PRKCB: variants seen among roughly 807,000 people sequenced by gnomAD.
PRKCB encodes the protein protein kinase C beta type.
A neutral mutation model predicts 81.5 loss-of-function variants in PRKCB; 13 were observed. The ratio of observed to expected loss-of-function variants is 0.16; its 90% CI spans 0.10 to 0.25. The LOEUF is 0.25. Among genes scored for constraint, PRKCB ranks in the 10% least tolerant of loss-of-function variants. The pLI, the probability that PRKCB is intolerant of heterozygous loss-of-function variation, is 1.00. For missense variants in PRKCB, 509 were observed against 875.7 expected (o/e 0.58, Z 5.29); for synonymous variants, 335 against 321.4 (o/e 1.04, Z -0.45).
chr16:24,037,891 AAG>A (rs2141859519), intron 5 of PRKCB, among the ~76,000 whole-genome samples: 1 of 152,184 alleles, frequency 6.6e-6, no homozygotes, highest in Non-Finnish European at 1.5e-5. Context: ...CGAAAAGAAA[AAG>A]AAAAAAACAA....
chr16:24,050,382 C>T (rs1055450481), intron 5 of PRKCB, among the ~76,000 whole-genome samples: 10 of 152,122 alleles, frequency 6.6e-5, no homozygotes, highest in East Asian at 5.8e-4. Flanking sequence ...CCTGTGTTGC[C>T]GAGGAGCGAA....
chr16:24,075,880 G>T (rs1966170389), intron 5 of PRKCB, among the ~76,000 whole-genome samples: 1 of 152,176 alleles, frequency 6.6e-6, no homozygotes, highest in African/African-American at 2.4e-5. Flanking sequence ...TAAAATACAG[G>T]TTGCTGGGTT....
intron 5 of PRKCB, among the ~76,000 whole-genome samples, chr16:24,092,368 G>A (rs1453742960): frequency 6.6e-6 from 1 of 152,190 alleles, no homozygotes; most frequent in African/African-American, 2.4e-5. Context: ...TGCATCAACT[G>A]CTGAATGGAT....
intron 2 of PRKCB, among the ~76,000 whole-genome samples, chr16:23,923,320 C>T (rs1481921632): frequency 6.6e-6 from 1 of 152,038 alleles, no homozygotes; most frequent in Admixed American, 6.6e-5. Flanking sequence ...ATGGAAGAGA[C>T]TCCCCTCATC....
At chr16:24,178,406 C>G (rs548246622) in intron 12 of PRKCB, among the ~76,000 whole-genome samples, 1 of 152,218 alleles carries the variant, frequency 6.6e-6, no homozygotes, top group Non-Finnish European at 1.5e-5. Context: ...GAGGTGCCCT[C>G]CAGCCTCAGG....
In PRKCB at chr16:24,163,187, G is replaced by A. The variant is rs142281874; in HGVS notation, c.1239+8330G>A. ...AACTCACTAGGAACCTTTTAAAAGG[G>A]GTTGTATCTACAGGGAGGGAATAAT... On this transcript the variant is annotated intron_variant, in intron 10 of 16. Transcript: ENST00000643927. 5.7e-3 allele frequency among the ~76,000 whole-genome samples: 875 copies of A among 152,282 alleles called. 5 individuals carry two copies. Among genetic ancestry groups the A allele is most frequent in the African/African-American group, 0.02 (814 of 41,540 alleles).
intron 16 of PRKCB, among the ~76,000 whole-genome samples, chr16:24,213,851 G>A (rs1199804702): frequency 6.6e-6 from 1 of 152,166 alleles, no homozygotes; most frequent in Non-Finnish European, 1.5e-5. Context: ...CCTCAGATGG[G>A]GGCCTTTTTA....
chr16:24,136,489 G>A (rs1046451580), intron 9 of PRKCB, among the ~76,000 whole-genome samples: 5 of 152,160 alleles, frequency 3.3e-5, no homozygotes, highest in African/African-American at 4.8e-5. Context: ...CCATCTGGGG[G>A]GTTGTAGGGG....
At chr16:24,116,382 C>G (rs1003311172) in intron 8 of PRKCB, among the ~76,000 whole-genome samples, 1 of 151,834 alleles carries the variant, frequency 6.6e-6, no homozygotes, top group Non-Finnish European at 1.5e-5. Context: ...CATAGCGACC[C>G]TACCTCTATT....
chr16:24,032,371 C>T (rs530255086), intron 4 of PRKCB, 124 bp downstream of exon 4: 23 of 604,282 alleles, frequency 3.8e-5, no homozygotes, highest in African/African-American at 3.7e-4. Flanking sequence ...GGCTGGTGTA[C>T]CAGTTATCTG....
chr16:24,134,244 C>T (rs921252030), intron 9 of PRKCB, among the ~76,000 whole-genome samples: 3 of 152,116 alleles, frequency 2.0e-5, no homozygotes, highest in African/African-American at 7.2e-5. Context: ...TTTCTTCCTT[C>T]CTTCCCTTTC....
intron 3 of PRKCB, among the ~76,000 whole-genome samples, chr16:24,024,970 T>C (rs896989298): frequency 7.9e-5 from 12 of 152,256 alleles, no homozygotes; most frequent in African/African-American, 2.9e-4. Flanking sequence ...ACCTGGTTTG[T>C]CTGGTCTGAA....
chr16:23,882,241 G>T lies in PRKCB; in HGVS notation c.205+44835G>T, dbSNP rs116299543. On this transcript the variant is annotated intron_variant, in intron 2 of 16. Coordinates refer to ENST00000643927, the MANE Select transcript of PRKCB (RefSeq NM_002738.7). Reference sequence around the variant, plus strand: ...ACTTCAGGCACACACTACCATGCCCGGTTAATTTTTTTCTTGATTTTTAAT... The same window carrying T: ...ACTTCAGGCACACACTACCATGCCCTGTTAATTTTTTTCTTGATTTTTAAT... Among the ~76,000 whole-genome samples, 1,365 of 150,152 alleles carry T rather than the reference G, an allele frequency of 9.1e-3. 7 individuals carry two copies. Among genetic ancestry groups the T allele is most frequent in the Non-Finnish European group, 0.014 (971 of 67,562 alleles).
At chr16:23,891,199 G>A (rs763936885) in intron 2 of PRKCB, among the ~76,000 whole-genome samples, 3 of 151,980 alleles carry the variant, frequency 2.0e-5, no homozygotes, top group Non-Finnish European at 4.4e-5. Context: ...ACCATACCCA[G>A]CTAATTTTAA....
chr16:24,212,124 A>G (rs1968147641), intron 16 of PRKCB, among the ~76,000 whole-genome samples: 1 of 152,144 alleles, frequency 6.6e-6, no homozygotes, highest in African/African-American at 2.4e-5. Context: ...CCTCTGAAAG[A>G]TATTTTAGTT....
At chr16:24,104,970 TTTTCC>T (rs1966555858) in intron 7 of PRKCB, among the ~76,000 whole-genome samples, 1 of 152,332 alleles carries the variant, frequency 6.6e-6, no homozygotes, top group African/African-American at 2.4e-5. Flanking sequence ...GGTCGATCCC[TTTTCC>T]CTAGTAGGTC....
chr16:23,979,212 G>A (rs1964662727), intron 2 of PRKCB, among the ~76,000 whole-genome samples: 1 of 152,098 alleles, frequency 6.6e-6, no homozygotes. Flanking sequence ...AAAGACAATG[G>A]GCATATTCAA....
chr16:24,191,433 G>T, intron 16 of PRKCB: 2 of 508,790 alleles, frequency 3.9e-6, no homozygotes. Flanking sequence ...CTATAAAGAT[G>T]GAAACGACGA....
chr16:24,136,804 C>A (rs1318586475), intron 9 of PRKCB, among the ~76,000 whole-genome samples: 1 of 152,074 alleles, frequency 6.6e-6, no homozygotes, highest in Non-Finnish European at 1.5e-5. Flanking sequence ...AAACGACGGG[C>A]CTGTCTGGCA....
Sources: allele counts gnomAD v4.1 joint callset (sites outside exome capture counted in the v4.1 genomes callset), GRCh38; gene constraint gnomAD v4.1.1; transcripts MANE v1.5; gene names NCBI Gene and HGNC (gene_info 2026-07-23, HGNC 2026-07-21).